Variants in PRMT3 observed in about 807,000 individuals in gnomAD.
PRMT3 encodes the protein protein arginine methyltransferase 3.
In PRMT3, 62 loss-of-function variants were observed where a neutral mutation model predicts 71.9. That is an observed-to-expected ratio of 0.86 (90% CI 0.70 to 1.07). The LOEUF (loss-of-function observed/expected upper bound fraction) is 1.07, where lower values mean the gene tolerates loss of function less well. Ranked by LOEUF, PRMT3 falls within the 50% of genes least tolerant of loss-of-function variation. PRMT3 has a pLI of 0.00. For missense variants in PRMT3, 663 were observed against 643.0 expected, an observed-to-expected ratio of 1.03 and a Z score of -0.34; for synonymous variants, 213 against 220.4, an observed-to-expected ratio of 0.97 and a Z score of 0.30.
chr11:20,407,293 T>C (rs992841203), intron 8 of PRMT3: 2 of 152,218 alleles, frequency 1.3e-5, no homozygotes, highest in African/African-American at 4.8e-5. Flanking sequence ...CTATTGTGTA[T>C]ATTTTTCTAT....
chr11:20,444,296 C>G (rs768143343), intron 10 of PRMT3, among the ~76,000 whole-genome samples: 2 of 152,154 alleles, frequency 1.3e-5, no homozygotes, highest in Non-Finnish European at 2.9e-5. Flanking sequence ...TTGGCATACT[C>G]ATTCATTTAA....
At chr11:20,492,980 G>A (rs1006374542) in intron 13 of PRMT3, among the ~76,000 whole-genome samples, 7 of 151,364 alleles carry the variant, frequency 4.6e-5, no homozygotes, top group African/African-American at 1.2e-4. Flanking sequence ...GTGAAACCCC[G>A]TCTCTACTAA....
intron 11 of PRMT3, among the ~76,000 whole-genome samples, chr11:20,453,483 A>G (rs1350553012): frequency 3.7e-4 from 55 of 147,734 alleles, no homozygotes; most frequent in Admixed American, 6.1e-4. Context: ...CCATCTCAGA[A>G]AAAAAAAAAA....
At chr11:20,419,873 A>G (rs1335904099) in intron 9 of PRMT3, among the ~76,000 whole-genome samples, 3 of 152,204 alleles carry the variant, frequency 2.0e-5, no homozygotes, top group Non-Finnish European at 2.9e-5. Context: ...AATCCTAATA[A>G]AAATATTGGA....
At chr11:20,453,424 G>A (rs893586130) in intron 11 of PRMT3, among the ~76,000 whole-genome samples, 1 of 150,330 alleles carries the variant, frequency 6.7e-6, no homozygotes, top group African/African-American at 2.4e-5. Context: ...AGGTTGCAGT[G>A]AGAGGAGATC....
chr11:20,477,802 A>AACCCCCC (rs1850829206), intron 13 of PRMT3, among the ~76,000 whole-genome samples: 1 of 116,448 alleles, frequency 8.6e-6, no homozygotes. Context: ...CTTAGGAGAA[A>AACCCCCC]CCCCCCCCCC....
chr11:20,499,408 G>T (rs979048517), intron 15 of PRMT3, among the ~76,000 whole-genome samples: 2 of 152,122 alleles, frequency 1.3e-5, no homozygotes, highest in African/African-American at 4.8e-5. Flanking sequence ...GATCGCTGAG[G>T]CCAAGAGTTT....
intron 3 of PRMT3, 30 bp downstream of exon 3, chr11:20,389,856 A>G: frequency 6.4e-7 from 1 of 1,551,192 alleles, no homozygotes; most frequent in Non-Finnish European, 8.9e-7. Context: ...AAGGCAATTT[A>G]ATTTGTGAAA....
intron 11 of PRMT3, among the ~76,000 whole-genome samples, chr11:20,456,447 C>G (rs1031290861): frequency 6.6e-6 from 1 of 152,128 alleles, no homozygotes; most frequent in Non-Finnish European, 1.5e-5. Flanking sequence ...TTCTAGCACC[C>G]TTAATTGAAA....
Position 20,496,805 on chromosome 11 carries a change from A to G in PRMT3, c.1486+2551A>G, listed in dbSNP as rs546440745. Among the ~76,000 whole-genome samples the G allele has an allele frequency of 1.1e-4, 17 of 152,322 alleles. No homozygotes were observed. In the South Asian group the frequency reaches 1.2e-3, roughly 11 times the overall value. On this transcript the variant is annotated intron_variant, in intron 15 of 15. Transcript: ENST00000331079. Reference sequence around the variant, plus strand: ...ATAGCTTCAGTTTCACTGTTGGTACATAAATTGAGTTTAATAGATGCAAGT... The same window carrying G: ...ATAGCTTCAGTTTCACTGTTGGTACGTAAATTGAGTTTAATAGATGCAAGT...
At chr11:20,413,875 A>G (rs910708395) in intron 9 of PRMT3, among the ~76,000 whole-genome samples, 3 of 152,104 alleles carry the variant, frequency 2.0e-5, no homozygotes, top group African/African-American at 7.2e-5. Flanking sequence ...TCTGGTTAAC[A>G]GGCTCTAAGT....
intron 11 of PRMT3, among the ~76,000 whole-genome samples, chr11:20,457,562 G>A (rs529127421): frequency 1.9e-4 from 29 of 152,318 alleles, no homozygotes; most frequent in African/African-American, 6.7e-4. Context: ...TCTAAATGAG[G>A]TGCTTGACAC....
intron 10 of PRMT3, among the ~76,000 whole-genome samples, chr11:20,428,273 T>C (rs891027954): frequency 3.9e-5 from 6 of 152,234 alleles, no homozygotes; most frequent in Non-Finnish European, 8.8e-5. Context: ...TTGAGGCATA[T>C]AGACAAGAAT....
chr11:20,494,804 A>G (rs1248682837), intron 15 of PRMT3, among the ~76,000 whole-genome samples: 1 of 152,236 alleles, frequency 6.6e-6, no homozygotes, highest in African/African-American at 2.4e-5. Context: ...AAGTATCACA[A>G]AATAATTCAG....
chr11:20,420,491 C>A (rs78632390), intron 9 of PRMT3, among the ~76,000 whole-genome samples: 12 of 152,098 alleles, frequency 7.9e-5, no homozygotes, highest in African/African-American at 2.2e-4. Context: ...TGAACATAAT[C>A]GTCTGAGCGC....
At chr11:20,417,774 T>TCACACA (rs34609751) in intron 9 of PRMT3, among the ~76,000 whole-genome samples, 8,133 of 149,398 alleles carry the variant, frequency 0.054, 674 homozygotes, top group African/African-American at 0.19. Context: ...TCTCTCTCTG[T>TCACACA]CACACACACA....
rs939861227 is a variant in PRMT3, at chr11:20,509,189, G to A, written c.*776G>A. Reference sequence around the variant, plus strand: ...ATGTGCAAAGGTTAAACATGTAACTGTTACTAAGCAGTCTATAAAGTTGTC... The same window carrying A: ...ATGTGCAAAGGTTAAACATGTAACTATTACTAAGCAGTCTATAAAGTTGTC... On this transcript the variant is annotated 3_prime_UTR_variant, in exon 16 of 16. Coordinates refer to ENST00000331079, the MANE Select transcript of PRMT3 (RefSeq NM_005788.4). 5 of 152,066 alleles carry A rather than the reference G, an allele frequency of 3.3e-5. No individual in the cohort carries two copies. Among genetic ancestry groups the A allele is most frequent in the Non-Finnish European group, 7.4e-5 (5 of 68,016 alleles). 9.4% of individuals were successfully genotyped at this position (152,066 alleles called of 1,614,324 possible). A position where few individuals can be genotyped will look rare whatever the true frequency, so the allele number is the denominator to read the frequency against.
chr11:20,437,885 G>A (rs999654659), intron 10 of PRMT3, among the ~76,000 whole-genome samples: 8 of 151,844 alleles, frequency 5.3e-5, no homozygotes, highest in Non-Finnish European at 7.4e-5. Flanking sequence ...CACTGCGCCC[G>A]GCCGGCAGCA....
chr11:20,451,708 C>G (rs1033478137), intron 10 of PRMT3, among the ~76,000 whole-genome samples: 4 of 151,996 alleles, frequency 2.6e-5, no homozygotes, highest in African/African-American at 9.7e-5. Flanking sequence ...TCCCCCACCC[C>G]CAGTTGCAAC....
Sources: allele counts gnomAD v4.1 joint callset (sites outside exome capture counted in the v4.1 genomes callset), GRCh38; gene constraint gnomAD v4.1.1; transcripts MANE v1.5; gene names NCBI Gene and HGNC (gene_info 2026-07-23, HGNC 2026-07-21).